TLE5: variants seen among roughly 807,000 people sequenced by gnomAD.
TLE5 encodes TLE family member 5, transcriptional modulator, also known as TLE family member 5.
TLE5 carries 7 observed loss-of-function variants against 25.8 expected under a neutral mutation model. That is an observed-to-expected ratio of 0.27 (90% CI 0.15 to 0.51). The LOEUF (loss-of-function observed/expected upper bound fraction) is 0.51, where lower values mean the gene tolerates loss of function less well. Among genes scored for constraint, TLE5 ranks in the 20% least tolerant of loss-of-function variants. TLE5 has a pLI of 0.97. For missense variants in TLE5, 149 were observed against 250.7 expected (o/e 0.59, Z 2.74); for synonymous variants, 132 against 110.5 (o/e 1.20, Z -1.22).
chr19:3,058,294 G>A (rs973724847), intron 2 of TLE5, among the ~76,000 whole-genome samples: 3 of 152,114 alleles, frequency 2.0e-5, no homozygotes, highest in African/African-American at 7.2e-5. Context: ...CGGTCCCGAC[G>A]AGGCCCGCAA....
chr19:3,056,446 C>T, intron 3 of TLE5, 90 bp from the exon 4 acceptor site: 1 of 565,650 alleles, frequency 1.8e-6, no homozygotes, highest in Non-Finnish European at 3.1e-6. Flanking sequence ...GTGGCAGAGA[C>T]AGACAAAGGG....
intron 5 of TLE5, 26 bp downstream of exon 5, chr19:3,055,638 C>T (rs919183419): frequency 4.5e-6 from 7 of 1,571,488 alleles, no homozygotes; most frequent in East Asian, 2.3e-5. Context: ...CCCCTCACAA[C>T]CCCTCCCCAA....
At chr19:3,054,086 T>TCCA in intron 6 of TLE5, 34 bp downstream of exon 6, 2 of 1,512,812 alleles carry the variant, frequency 1.3e-6, no homozygotes. Flanking sequence ...GGCCCACCTG[T>TCCA]CCCCCGCCCA....
chr19:3,062,913 A>G (rs1381190969), upstream of TLE5: 2 of 1,082,324 alleles, frequency 1.8e-6, no homozygotes, highest in African/African-American at 1.6e-5. Context: ...GAGGGAAGCC[A>G]TTCTTGTGAC....
intron 2 of TLE5, among the ~76,000 whole-genome samples, chr19:3,058,015 G>A (rs991246934): frequency 3.9e-5 from 6 of 151,958 alleles, no homozygotes; most frequent in East Asian, 3.9e-4. Context: ...GCCACCCACC[G>A]TGCCTGGTCA....
At chr19:3,056,234 G>A in intron 4 of TLE5, 78 bp downstream of exon 4, 1 of 1,096,902 alleles carries the variant, frequency 9.1e-7, no homozygotes, top group Non-Finnish European at 1.3e-6. Context: ...CTGCCTGGGG[G>A]TGCCCAAGGC....
intron 3 of TLE5, 94 bp downstream of exon 3, chr19:3,057,585 C>A: frequency 8.0e-7 from 1 of 1,257,820 alleles, no homozygotes; most frequent in Non-Finnish European, 1.2e-6. Flanking sequence ...GGGGAGGTGG[C>A]CGGGGTTGAG....
chr19:3,062,052 G>T (rs1419223830), intron 1 of TLE5, 122 bp downstream of exon 1: 10 of 274,534 alleles, frequency 3.6e-5, no homozygotes, highest in Non-Finnish European at 6.0e-5. Flanking sequence ...GGGGAGTTGG[G>T]GGGGGCGCCG....
rs1276275920 is a variant in TLE5, at chr19:3,062,300, G to C, written c.-100C>G. On this transcript the variant is annotated 5_prime_UTR_variant, in exon 1 of 7. Transcript: ENST00000327141. ...CCGCGCCTTTGTCCCGGCGCCGATC[G>C]GCAGCTCCCGGGGCCGCCGCCGCCT... 1.0e-6 allele frequency: 1 copy of C among 982,830 alleles called. No homozygotes were observed. Among genetic ancestry groups the C allele is most frequent in the Non-Finnish European group, 1.2e-6 (1 of 829,952 alleles). 60.9% of individuals were successfully genotyped at this position (982,830 alleles called of 1,614,324 possible).
chr19:3,054,477 C>A, intron 5 of TLE5: 1 of 547,522 alleles, frequency 1.8e-6, no homozygotes, highest in Non-Finnish European at 3.3e-6. Flanking sequence ...TTTGAGTGAG[C>A]CCGGGAGAAA....
chr19:3,059,910 G>T (rs529281075), intron 2 of TLE5, among the ~76,000 whole-genome samples: 132 of 152,320 alleles, frequency 8.7e-4, no homozygotes, highest in African/African-American at 3.1e-3. Flanking sequence ...AGTTTGCCCA[G>T]CTTGAGAATG....
rs990199468 is a variant in TLE5, at chr19:3,060,328, C to CTTTTTT, written c.125+826_125+831dup. 2.3e-3 allele frequency among the ~76,000 whole-genome samples: 217 copies of CTTTTTT among 93,182 alleles called. 7 individuals are homozygous for CTTTTTT. Among genetic ancestry groups the CTTTTTT allele is most frequent in the African/African-American group, 7.0e-3 (161 of 22,992 alleles). The allele number at this position is 93,182 out of a possible 152,430, so 61.1% of individuals were successfully genotyped here. A position where few individuals can be genotyped will look rare whatever the true frequency, so the allele number is the denominator to read the frequency against. The stretch of plus-strand genomic sequence containing the variant: ...TGGGCTTAAGTTTCTTTTTTTCTTT[C>CTTTTTT]TTTTTTTTTTTTTTTTTTTTTTTTG... On this transcript the variant is annotated intron_variant, in intron 2 of 6. Coordinates refer to ENST00000327141, the MANE Select transcript of TLE5 (RefSeq NM_001130.6).
chr19:3,062,336 G>T lies in TLE5; in HGVS notation c.-136C>A. 1 of 977,740 alleles carries T rather than the reference G, an allele frequency of 1.0e-6. No individual in the cohort carries two copies. Among genetic ancestry groups the T allele is most frequent in the Non-Finnish European group, 1.2e-6 (1 of 826,550 alleles). 60.6% of individuals were successfully genotyped at this position (977,740 alleles called of 1,614,324 possible). On this transcript the variant is annotated 5_prime_UTR_variant, in exon 1 of 7. Coordinates refer to ENST00000327141, the MANE Select transcript of TLE5 (RefSeq NM_001130.6). ...GGGCCGCCGCCGCCTCCCGCGCCCGGCCTCGCCCGCTTCCTGCGCCCCCTC... is the reference window on the plus strand; with the variant it reads ...GGGCCGCCGCCGCCTCCCGCGCCCGTCCTCGCCCGCTTCCTGCGCCCCCTC...
Position 3,053,784 on chromosome 19 carries a change from G to C in TLE5, c.*35C>G, listed in dbSNP as rs2090193603. Reference sequence around the variant, plus strand: ...CTCTCCGTGCCTCTGTCTCCCCTCTGTCCCCCCTCCCAACCTCCCTGTCCC... The same window carrying C: ...CTCTCCGTGCCTCTGTCTCCCCTCTCTCCCCCCTCCCAACCTCCCTGTCCC... On this transcript the variant is annotated 3_prime_UTR_variant, in exon 7 of 7. Transcript: ENST00000327141. 3 of 1,594,876 alleles carry C rather than the reference G, an allele frequency of 1.9e-6. No individual in the cohort carries two copies. The South Asian group carries it at 3.3e-5, about 18-fold the overall frequency.
rs1411051496 is a variant in TLE5 at position 3,062,312 on chromosome 19, G to GGCC, written c.-115_-113dup. ...CCCGGCGCCGATCGGCAGCTCCCGGGGCCGCCGCCGCCTCCCGCGCCCGGC... is the reference window on the plus strand; with the variant it reads ...CCCGGCGCCGATCGGCAGCTCCCGGGGCCGCCGCCGCCGCCTCCCGCGCCCGGC... On this transcript the variant is annotated 5_prime_UTR_variant, in exon 1 of 7. Transcript: ENST00000327141. The GGCC allele has an allele frequency of 6.1e-6, 6 of 979,672 alleles. No individual in the cohort carries two copies. In the East Asian group the frequency reaches 4.7e-4, roughly 76 times the overall value. 60.7% of individuals were successfully genotyped at this position (979,672 alleles called of 1,614,324 possible).
chr19:3,054,086 T>TCGGGGGGGGCG, intron 6 of TLE5, 34 bp downstream of exon 6: 2 of 1,512,808 alleles, frequency 1.3e-6, no homozygotes, highest in Non-Finnish European at 1.8e-6. Context: ...GGCCCACCTG[T>TCGGGGGGGGCG]CCCCCGCCCA....
upstream of TLE5, chr19:3,062,546 T>G: frequency 1.4e-6 from 1 of 712,604 alleles, no homozygotes; most frequent in Non-Finnish European, 1.7e-6. Flanking sequence ...CCGCCGCCCG[T>G]GCCCCGTGCG....
upstream of TLE5, chr19:3,062,889 A>T (rs1568267595): frequency 1.5e-6 from 2 of 1,315,858 alleles, no homozygotes; most frequent in Non-Finnish European, 2.1e-6. Context: ...AGGCAGCGGT[A>T]ATGCCGCCTT....
intron 6 of TLE5, 34 bp downstream of exon 6, chr19:3,054,086 T>TGGGGGGGGGGGGGGCCCCCC: frequency 3.3e-6 from 5 of 1,512,786 alleles, no homozygotes; most frequent in Non-Finnish European, 4.5e-6. Context: ...GGCCCACCTG[T>TGGGGGGGGGGGGGGCCCCCC]CCCCCGCCCA....
Sources: allele counts gnomAD v4.1 joint callset (sites outside exome capture counted in the v4.1 genomes callset), GRCh38; gene constraint gnomAD v4.1.1; transcripts MANE v1.5; gene names NCBI Gene and HGNC (gene_info 2026-07-23, HGNC 2026-07-21).